GLG1: variants seen among roughly 807,000 people sequenced by gnomAD.
GLG1 encodes the protein golgi glycoprotein 1, also known as Golgi apparatus protein 1.
GLG1 carries 38 observed loss-of-function variants against 160.5 expected under a neutral mutation model. That is an observed-to-expected ratio of 0.24 (90% CI 0.18 to 0.31). The LOEUF is 0.31. Ranked by LOEUF, GLG1 falls within the 10% of genes least tolerant of loss-of-function variation. GLG1 has a pLI of 1.00. For synonymous variants in GLG1, 644 were observed against 543.4 expected, an observed-to-expected ratio of 1.19 and a Z score of -2.57; for missense variants, 1,373 against 1,505.2, an observed-to-expected ratio of 0.91 and a Z score of 1.45.
chr16:74,602,463 C>G (rs912159902), intron 1 of GLG1, among the ~76,000 whole-genome samples: 1 of 152,126 alleles, frequency 6.6e-6, no homozygotes, highest in Non-Finnish European at 1.5e-5. Flanking sequence ...TTTAAATATG[C>G]CAGCCTCCCA....
At chr16:74,502,730 T>TGG (rs2016453261) in intron 4 of GLG1, among the ~76,000 whole-genome samples, 2 of 140,950 alleles carry the variant, frequency 1.4e-5, no homozygotes, top group Admixed American at 7.1e-5. Context: ...TGGTTTTTTT[T>TGG]TTTTTTTTTT....
At chr16:74,508,313 C>CA (rs35839355) in intron 3 of GLG1, among the ~76,000 whole-genome samples, 37,993 of 105,808 alleles carry the variant, frequency 0.36, 6,205 homozygotes, top group South Asian at 0.59. Context: ...ATTATTGATT[C>CA]AAAAAAAAAA....
chr16:74,598,617 G>A (rs1413702366), intron 1 of GLG1, among the ~76,000 whole-genome samples: 1 of 151,938 alleles, frequency 6.6e-6, no homozygotes, highest in Non-Finnish European at 1.5e-5. Flanking sequence ...ATAAGGCCGG[G>A]CGCGGTGGCT....
At chr16:74,532,807 G>A (rs903490745) in intron 1 of GLG1, among the ~76,000 whole-genome samples, 17 of 152,162 alleles carry the variant, frequency 1.1e-4, no homozygotes, top group African/African-American at 3.9e-4. Context: ...GATTACAGAT[G>A]TGAATTACCG....
rs2015822435 is a variant in GLG1, at chr16:74,487,134, GA to G, written c.1450-1218del. Among the ~76,000 whole-genome samples the G allele has an allele frequency of 2.0e-5, 3 of 152,216 alleles. No individual in the cohort carries two copies. The East Asian group carries it at 5.8e-4, about 29-fold the overall frequency. On this transcript the variant is annotated intron_variant, in intron 8 of 25. Coordinates refer to ENST00000422840, the MANE Select transcript of GLG1 (RefSeq NM_001145667.2). ...TCGCCACGTTGGCCAGGCTGGTCTT[GA>G]ACTCAAGTGATCCGCCCACCTCGAA...
At position 74,485,775 on chromosome 16, in the gene GLG1, AC is replaced by A; in HGVS notation, c.1571+20del. 5.0e-6 allele frequency: 8 copies of A among 1,606,828 alleles called. No homozygotes were observed. Among genetic ancestry groups the A allele is most frequent in the Non-Finnish European group, 6.8e-6 (8 of 1,175,154 alleles). ...CAAATGAAATACAATATGGATAAAT[AC>A]CATGGAGAAGATAACTTACATTGGG... On this transcript the variant is annotated intron_variant, in intron 9 of 25. Coordinates refer to ENST00000422840, the MANE Select transcript of GLG1 (RefSeq NM_001145667.2).
chr16:74,555,508 G>A (rs2018327083), intron 1 of GLG1, among the ~76,000 whole-genome samples: 1 of 151,990 alleles, frequency 6.6e-6, no homozygotes, highest in Non-Finnish European at 1.5e-5. Flanking sequence ...GCAACACAGA[G>A]AGACCTCATC....
At chr16:74,495,085 G>A (rs933954101) in intron 5 of GLG1, among the ~76,000 whole-genome samples, 7 of 147,314 alleles carry the variant, frequency 4.8e-5, no homozygotes, top group Admixed American at 2.7e-4. Context: ...AGGGAACCAA[G>A]AGAAGTGTTA....
chr16:74,484,522 G>T (rs998064542), intron 9 of GLG1, among the ~76,000 whole-genome samples: 3 of 151,768 alleles, frequency 2.0e-5, no homozygotes, highest in Admixed American at 1.3e-4. Context: ...CAACACTTTG[G>T]GAGGCCGAGG....
At chr16:74,473,206 TC>T (rs889195009) in intron 13 of GLG1, among the ~76,000 whole-genome samples, 7 of 151,172 alleles carry the variant, frequency 4.6e-5, no homozygotes, top group East Asian at 1.9e-4. Context: ...GGGTTTCTAA[TC>T]CCCCTTTTTT....
Position 74,477,502 on chromosome 16 carries a change from C to T in GLG1, c.1859G>A (p.Arg620Lys), listed in dbSNP as rs2015426146. 1.2e-5 allele frequency: 20 copies of T among 1,613,152 alleles called. No homozygotes were observed. The highest frequency in any genetic ancestry group is 1.4e-5 in the Non-Finnish European group (16 of 1,179,288). Residue 620 changes from arginine to lysine, a missense_variant, in exon 12 of 26, where the codon AGG becomes AAG. Physicochemically the swap from Arg to Lys is conservative, Grantham distance 26 (BLOSUM62 2). Transcript: ENST00000422840. ...LSRECRAEVQ[R>K]ILHQRAMDVK... ...ATCCATGGCACGCTGGTGTAGGATC[C>T]TTTGGACTTCAGCTCGGCACTCCCG...
chr16:74,491,435 A>G (rs1346794767), intron 7 of GLG1, among the ~76,000 whole-genome samples: 2 of 152,192 alleles, frequency 1.3e-5, no homozygotes, highest in African/African-American at 4.8e-5. Context: ...TGCATGAAAC[A>G]GGTTTTATAC....
At position 74,451,893 on chromosome 16, in the gene GLG1, C is replaced by T; in HGVS notation, c.*1274G>A. On this transcript the variant is annotated 3_prime_UTR_variant, in exon 26 of 26. Transcript: ENST00000422840. Reference sequence around the variant, plus strand: ...AGGTTGATGAATCGCCAAAATACAACATTTAGCCAATGCCTACTAGAGTGG... The same window carrying T: ...AGGTTGATGAATCGCCAAAATACAATATTTAGCCAATGCCTACTAGAGTGG... 3.3e-6 allele frequency: 2 copies of T among 606,620 alleles called. No homozygotes were observed. The highest frequency in any genetic ancestry group is 2.8e-5 in the East Asian group (1 of 35,770). 37.6% of individuals were successfully genotyped at this position (606,620 alleles called of 1,614,324 possible).
intron 15 of GLG1, 101 bp downstream of exon 15, chr16:74,471,072 T>C (rs1053213871): frequency 1.6e-5 from 12 of 757,024 alleles, no homozygotes; most frequent in African/African-American, 3.4e-5. Flanking sequence ...AAAATGACTT[T>C]TAACAGAACA....
At chr16:74,591,344 A>AAAG (rs1184888060) in intron 1 of GLG1, among the ~76,000 whole-genome samples, 2 of 134,006 alleles carry the variant, frequency 1.5e-5, no homozygotes, top group Non-Finnish European at 3.2e-5. Context: ...AAAAAAAAAT[A>AAAG]AAGGCCTGGC....
intron 13 of GLG1, among the ~76,000 whole-genome samples, chr16:74,473,869 G>T (rs1170857014): frequency 1.3e-5 from 2 of 152,122 alleles, no homozygotes; most frequent in Admixed American, 1.3e-4. Context: ...ATTACCAAAT[G>T]ACCTAACTAA....
Position 74,452,935 on chromosome 16 carries a change from C to T in GLG1, c.*232G>A. The T allele has an allele frequency of 8.3e-7, 1 of 1,211,604 alleles. No individual in the cohort carries two copies. Among genetic ancestry groups the T allele is most frequent in the Non-Finnish European group, 1.0e-6 (1 of 973,968 alleles). 75.1% of individuals were successfully genotyped at this position (1,211,604 alleles called of 1,614,324 possible). A position where few individuals can be genotyped will look rare whatever the true frequency, so the allele number is the denominator to read the frequency against. On this transcript the variant is annotated 3_prime_UTR_variant, in exon 26 of 26. Transcript: ENST00000422840. ...TACAGGCAGGTAAACCCAAGTTTGC[C>T]AAACAAAGGCAGTAACCCCAGCGAC...
At chr16:74,590,863 T>C (rs1958164606) in intron 1 of GLG1, among the ~76,000 whole-genome samples, 1 of 145,778 alleles carries the variant, frequency 6.9e-6, no homozygotes, top group Admixed American at 6.8e-5. Flanking sequence ...AAAGCTGCTA[T>C]CAATACACAT....
chr16:74,525,829 T>C (rs2017315705), intron 2 of GLG1, among the ~76,000 whole-genome samples: 1 of 151,402 alleles, frequency 6.6e-6, no homozygotes, highest in South Asian at 2.1e-4. Flanking sequence ...CTTGATAGTG[T>C]CTGATGCACA....
Sources: allele counts gnomAD v4.1 joint callset (sites outside exome capture counted in the v4.1 genomes callset), GRCh38; gene constraint gnomAD v4.1.1; transcripts MANE v1.5; gene names NCBI Gene and HGNC (gene_info 2026-07-23, HGNC 2026-07-21).